The following TDRD9 variants were observed in gnomAD, a reference collection of about 807,000 sequenced individuals.
The protein encoded by TDRD9 is ATP-dependent RNA helicase TDRD9.
In TDRD9, 124 loss-of-function variants were observed where a neutral mutation model predicts 172.6. That is an observed-to-expected ratio of 0.72 (90% CI 0.62 to 0.83). The LOEUF (loss-of-function observed/expected upper bound fraction) is 0.83. TDRD9 is among the 40% of genes least tolerant of loss of function. TDRD9 has a pLI of 0.00. For synonymous variants in TDRD9, 619 were observed against 617.1 expected (o/e 1.00, Z -0.05); for missense variants, 1,479 against 1,714.1 (o/e 0.86, Z 2.42).
intron 7 of TDRD9, 112 bp downstream of exon 7, chr14:103,975,665 T>C: frequency 9.5e-7 from 1 of 1,050,146 alleles, no homozygotes; most frequent in Non-Finnish European, 1.3e-6. Context: ...TATTTTAAAA[T>C]TGATGCATAC....
chr14:104,022,145 T>C lies in TDRD9; in HGVS notation c.2433-12T>C. The C allele has an allele frequency of 6.5e-7, 1 of 1,544,412 alleles. No homozygotes were observed. Among genetic ancestry groups the C allele is most frequent in the Non-Finnish European group, 8.7e-7 (1 of 1,144,796 alleles). ...TGATAAATTTATTTTTAAATTTACATTTGTGGAACAGAGCCTTTGTGGAAT... is the reference window on the plus strand; with the variant it reads ...TGATAAATTTATTTTTAAATTTACACTTGTGGAACAGAGCCTTTGTGGAAT... On this transcript the variant is annotated splice_polypyrimidine_tract_variant and intron_variant, in intron 23 of 35. Coordinates refer to ENST00000409874, the MANE Select transcript of TDRD9 (RefSeq NM_153046.3).
chr14:104,031,925 C>G, intron 29 of TDRD9, 92 bp from the exon 30 acceptor site: 1 of 843,196 alleles, frequency 1.2e-6, no homozygotes, highest in Non-Finnish European at 1.8e-6. Context: ...TTTTTTTTTC[C>G]TTTAAAGAAT....
In TDRD9 at chr14:104,006,582, T is replaced by C. The variant is rs1566777785; in HGVS notation, c.1879+28T>C. ...AAGTGTGAGAACAAATAAATGCTAA[T>C]GGGAAGTTTATATAACACCACTCTC... On this transcript the variant is annotated intron_variant, in intron 16 of 35. Transcript: ENST00000409874. The C allele has an allele frequency of 3.7e-6, 6 of 1,612,072 alleles. No individual in the cohort carries two copies. The East Asian group carries it at 1.1e-4, about 30-fold the overall frequency.
chr14:103,975,301 G>A, intron 6 of TDRD9, 88 bp from the exon 7 acceptor site: 1 of 1,267,942 alleles, frequency 7.9e-7, no homozygotes, highest in Non-Finnish European at 1.1e-6. Context: ...GATAAGGAGT[G>A]AAGCAGAAGA....
At chr14:104,007,972 G>A (rs1364984284) in intron 19 of TDRD9, among the ~76,000 whole-genome samples, 2 of 151,970 alleles carry the variant, frequency 1.3e-5, no homozygotes, top group Non-Finnish European at 2.9e-5. Flanking sequence ...GTAGAGATGG[G>A]GTTTCACTGT....
At chr14:104,004,423 T>C in intron 14 of TDRD9, 88 bp downstream of exon 14, 1 of 692,182 alleles carries the variant, frequency 1.4e-6, no homozygotes, top group Non-Finnish European at 2.4e-6. Context: ...CACTGTTGTC[T>C]GGACTGGAGT....
At chr14:103,957,217 C>T (rs1161270589) in intron 2 of TDRD9, among the ~76,000 whole-genome samples, 1 of 152,148 alleles carries the variant, frequency 6.6e-6, no homozygotes, top group South Asian at 2.1e-4. Flanking sequence ...GTGCTCTGTT[C>T]TGGTTAATTT....
intron 33 of TDRD9, 39 bp from the exon 34 acceptor site, chr14:104,042,030 C>T (rs372848484): frequency 4.1e-5 from 52 of 1,275,446 alleles, no homozygotes; most frequent in Admixed American, 2.0e-4. Context: ...TCAGTTACGA[C>T]GGAGCCTTAT....
Position 103,928,733 on chromosome 14 carries a change from C to A in TDRD9, c.215+9C>A. ...GCCGCTGCGTTCGAAAGGTAGGACG[C>A]GGGCGGGGCGGAGGCGGCTGGAGGG... On this transcript the variant is annotated intron_variant, in intron 1 of 35. Coordinates refer to ENST00000409874, the MANE Select transcript of TDRD9 (RefSeq NM_153046.3). The A allele has an allele frequency of 9.3e-7, 1 of 1,080,628 alleles. No individual in the cohort carries two copies. Among genetic ancestry groups the A allele is most frequent in the Non-Finnish European group, 1.2e-6 (1 of 864,996 alleles). 66.9% of individuals were successfully genotyped at this position (1,080,628 alleles called of 1,614,324 possible).
At chr14:104,013,633 A>G (rs1461320771) in intron 20 of TDRD9, 3 of 152,236 alleles carry the variant, frequency 2.0e-5, no homozygotes, top group Non-Finnish European at 4.4e-5. Flanking sequence ...TTCTAAGAAG[A>G]TGATTCTTGC....
chr14:104,039,320 C>A (rs922253695), intron 32 of TDRD9, among the ~76,000 whole-genome samples: 1 of 152,134 alleles, frequency 6.6e-6, no homozygotes, highest in Non-Finnish European at 1.5e-5. Flanking sequence ...GGTGGAGACA[C>A]AAAGCTTAAC....
intron 34 of TDRD9, among the ~76,000 whole-genome samples, chr14:104,047,370 A>C (rs2035810581): frequency 6.6e-6 from 1 of 152,074 alleles, no homozygotes. Flanking sequence ...AGTTGTTTGT[A>C]GATTCCTTAG....
chr14:104,047,421 C>T (rs2035812261), intron 34 of TDRD9, among the ~76,000 whole-genome samples: 1 of 151,882 alleles, frequency 6.6e-6, no homozygotes, highest in African/African-American at 2.4e-5. Flanking sequence ...TGAAAGCTTT[C>T]TTTCTCTAGT....
At chr14:104,000,483 C>T (rs184715837) in intron 13 of TDRD9, among the ~76,000 whole-genome samples, 1 of 151,776 alleles carries the variant, frequency 6.6e-6, no homozygotes, top group Admixed American at 6.6e-5. Context: ...AAAAACTATG[C>T]TTAAAAAATG....
At chr14:103,934,651 G>T (rs542029577) in intron 1 of TDRD9, among the ~76,000 whole-genome samples, 1 of 152,154 alleles carries the variant, frequency 6.6e-6, no homozygotes, top group Admixed American at 6.5e-5. Flanking sequence ...GGTGGTGGGC[G>T]GGCGCCTGTA....
intron 33 of TDRD9, 75 bp downstream of exon 33, chr14:104,040,409 G>T (rs2035580443): frequency 7.2e-7 from 1 of 1,386,806 alleles, no homozygotes; most frequent in African/African-American, 1.4e-5. Flanking sequence ...TGAGTGCAGG[G>T]TCTGCTGTGG....
At chr14:104,019,746 T>C (rs546230324) in intron 23 of TDRD9, among the ~76,000 whole-genome samples, 9 of 152,302 alleles carry the variant, frequency 5.9e-5, no homozygotes, top group African/African-American at 1.4e-4. Flanking sequence ...GGGCATATCA[T>C]GTTCTCCCAT....
At chr14:104,034,359 T>A (rs1162634909) in intron 31 of TDRD9, among the ~76,000 whole-genome samples, 1 of 151,880 alleles carries the variant, frequency 6.6e-6, no homozygotes, top group Non-Finnish European at 1.5e-5. Flanking sequence ...CCTGGCTAAT[T>A]TTTTGTATTT....
At chr14:103,952,983 A>T (rs946906853) in intron 1 of TDRD9, among the ~76,000 whole-genome samples, 1 of 149,770 alleles carries the variant, frequency 6.7e-6, no homozygotes, top group Non-Finnish European at 1.5e-5. Flanking sequence ...CAGGTGATCC[A>T]CCCGCCTCGA....
Sources: allele counts gnomAD v4.1 joint callset (sites outside exome capture counted in the v4.1 genomes callset), GRCh38; gene constraint gnomAD v4.1.1; transcripts MANE v1.5; gene names NCBI Gene and HGNC (gene_info 2026-07-23, HGNC 2026-07-21).